Variants in DLGAP4 observed in about 807,000 individuals in gnomAD.
The protein encoded by DLGAP4 is disks large-associated protein 4.
In DLGAP4, 18 loss-of-function variants were observed where a neutral mutation model predicts 86.9. That is an observed-to-expected ratio of 0.21 (90% CI 0.14 to 0.31). The LOEUF is 0.31. DLGAP4 is among the 10% of genes least tolerant of loss of function. The pLI is 1.00. For missense variants in DLGAP4, 1,085 were observed against 1,362.6 expected, an observed-to-expected ratio of 0.80 and a Z score of 3.21; for synonymous variants, 548 against 574.3, an observed-to-expected ratio of 0.95 and a Z score of 0.65.
At chr20:36,316,538 C>G (rs2065101838) in intron 1 of DLGAP4, among the ~76,000 whole-genome samples, 1 of 152,196 alleles carries the variant, frequency 6.6e-6, no homozygotes, top group Non-Finnish European at 1.5e-5. Flanking sequence ...ATGGGTCACC[C>G]TACCCCCACA....
intron 8 of DLGAP4, chr20:36,498,925 C>T (rs1178678684): frequency 3.2e-6 from 1 of 315,104 alleles, no homozygotes; most frequent in East Asian, 7.3e-5. Context: ...GCCCTGACCC[C>T]AGTCCTTCCT....
Position 36,500,498 on chromosome 20 carries a change from G to A in DLGAP4, c.2399G>A (p.Cys800Tyr). ...GCAGAGCCGGCACAGCCAGGGGCCT[G>A]CCGCCGAGACGGCTACTGGTTCCTA... ...SPAEPAQPGA[C>Y]RRDGYWFLKL... The change falls in exon 10 of 13, where the codon TGC becomes TAC. Residue 800 changes from cysteine (C) to tyrosine (Y), a missense_variant. This residue lies in a region of DLGAP4 where 1,082 missense variants were observed against 1,344.1 expected (regional missense o/e 0.81). Coordinates refer to ENST00000339266, the MANE Select transcript of DLGAP4 (RefSeq NM_001365621.2). This position sits in a 1 kb window ranked among gnomAD's most constrained non-coding sequence, Gnocchi z 4.6. 1 of 1,592,866 alleles carries A rather than the reference G, an allele frequency of 6.3e-7. No homozygotes were observed. The highest frequency in any genetic ancestry group is 2.3e-5 in the East Asian group (1 of 44,136).
rs2030826556 is a variant in DLGAP4, at chr20:36,369,288, C to A, written c.-73+2013C>A. Among the ~76,000 whole-genome samples the A allele has an allele frequency of 2.0e-5, 3 of 152,030 alleles. No individual in the cohort carries two copies. In the South Asian group the frequency reaches 6.2e-4, roughly 32 times the overall value. On this transcript the variant is annotated intron_variant, in intron 2 of 12. Coordinates refer to ENST00000339266, the MANE Select transcript of DLGAP4 (RefSeq NM_001365621.2). ...CACACAGTCATTTATTTTTTTTAAT[C>A]AACTTATTAACATAGTAATGGCTGC...
chr20:36,348,255 T>C (rs1296809724), intron 1 of DLGAP4, among the ~76,000 whole-genome samples: 1 of 152,222 alleles, frequency 6.6e-6, no homozygotes, highest in African/African-American at 2.4e-5. Context: ...CAATTAGCAA[T>C]GCCTGCCATG....
At chr20:36,405,262 C>T (rs1277654726) in intron 2 of DLGAP4, among the ~76,000 whole-genome samples, 3 of 152,158 alleles carry the variant, frequency 2.0e-5, no homozygotes, top group African/African-American at 7.2e-5. Context: ...GGGTTCAAAT[C>T]CCATCTCTGT....
intron 7 of DLGAP4, among the ~76,000 whole-genome samples, chr20:36,480,052 G>C (rs749063876): frequency 2.0e-5 from 3 of 152,250 alleles, no homozygotes; most frequent in Middle Eastern, 3.4e-3. Flanking sequence ...TAGGGCAATA[G>C]ACAGGGCAAG....
intron 10 of DLGAP4, among the ~76,000 whole-genome samples, chr20:36,516,236 T>C (rs2037026657): frequency 6.6e-6 from 1 of 152,238 alleles, no homozygotes; most frequent in Non-Finnish European, 1.5e-5. Flanking sequence ...CAGAAGCCTA[T>C]GCTGTGCTTA....
chr20:36,454,542 C>T (rs1029066201), intron 7 of DLGAP4, among the ~76,000 whole-genome samples: 3 of 152,192 alleles, frequency 2.0e-5, no homozygotes, highest in African/African-American at 7.2e-5. Context: ...GGCACATCCT[C>T]ACCACTGTAC....
chr20:36,415,803 A>C (rs1458254168), intron 2 of DLGAP4, among the ~76,000 whole-genome samples: 1 of 152,114 alleles, frequency 6.6e-6, no homozygotes, highest in African/African-American at 2.4e-5. Flanking sequence ...CAGCAGAGGG[A>C]GTGGCACTGA....
intron 1 of DLGAP4, among the ~76,000 whole-genome samples, chr20:36,332,963 T>C (rs1241429695): frequency 2.0e-5 from 3 of 152,224 alleles, no homozygotes; most frequent in Non-Finnish European, 4.4e-5. Context: ...CTTTCTTTCC[T>C]TCCAAGAGCA....
At chr20:36,414,448 G>A (rs183657888) in intron 2 of DLGAP4, among the ~76,000 whole-genome samples, 27 of 152,288 alleles carry the variant, frequency 1.8e-4, no homozygotes, top group Middle Eastern at 3.4e-3. Flanking sequence ...GTGGTTTTTG[G>A]TATTTATTCA....
At chr20:36,487,418 G>A (rs934051609) in intron 7 of DLGAP4, among the ~76,000 whole-genome samples, 3 of 152,198 alleles carry the variant, frequency 2.0e-5, no homozygotes, top group Non-Finnish European at 4.4e-5. Context: ...GCTATGGGCA[G>A]GAAGAAGGTG....
chr20:36,376,935 G>A (rs2031178944), intron 2 of DLGAP4, among the ~76,000 whole-genome samples: 2 of 152,190 alleles, frequency 1.3e-5, no homozygotes, highest in African/African-American at 2.4e-5. Flanking sequence ...GCTTGGTGAC[G>A]GGAAGTAATT....
intron 1 of DLGAP4, among the ~76,000 whole-genome samples, chr20:36,336,441 C>T (rs1395022135): frequency 2.0e-5 from 3 of 152,210 alleles, no homozygotes; most frequent in African/African-American, 7.2e-5. Context: ...CACCCTTCTC[C>T]CTGCTCTGTT....
intron 2 of DLGAP4, among the ~76,000 whole-genome samples, chr20:36,371,421 A>G (rs1285990966): frequency 9.2e-5 from 14 of 152,236 alleles, no homozygotes; most frequent in Admixed American, 8.5e-4. Context: ...CCATTGGTGC[A>G]GTGAGGGAAA....
chr20:36,518,081 A>G (rs1470441313), intron 10 of DLGAP4, among the ~76,000 whole-genome samples: 1 of 152,120 alleles, frequency 6.6e-6, no homozygotes, highest in Admixed American at 6.6e-5. Flanking sequence ...TTAGCTGGGC[A>G]TGATGGCGGG....
chr20:36,349,304 G>C (rs1555893273), intron 1 of DLGAP4, among the ~76,000 whole-genome samples: 1 of 151,266 alleles, frequency 6.6e-6, no homozygotes, highest in Non-Finnish European at 1.5e-5. Flanking sequence ...TGTAGTCCCA[G>C]CTACTCGGGA....
At chr20:36,524,446 C>T (rs753754655) in intron 11 of DLGAP4, 105 bp downstream of exon 11, 119 of 916,756 alleles carry the variant, frequency 1.3e-4, no homozygotes, top group Non-Finnish European at 1.7e-4. Context: ...GTAACACACA[C>T]AGCGCGGCTT....
At chr20:36,394,738 C>A (rs943091360) in intron 2 of DLGAP4, among the ~76,000 whole-genome samples, 1 of 151,738 alleles carries the variant, frequency 6.6e-6, no homozygotes, top group Non-Finnish European at 1.5e-5. Flanking sequence ...CCTGCCTTGC[C>A]TCCCACGTTC....
Sources: gnomAD v4.1 joint callset for allele counts (sites outside exome capture counted in the v4.1 genomes callset) on GRCh38, gnomAD v4.1.1 for gene constraint, gnomAD v4.1.1 regional missense constraint, Gnocchi (gnomAD v3.1) non-coding constraint, MANE v1.5 for transcripts, NCBI Gene and HGNC (gene_info 2026-07-23, HGNC 2026-07-21) for gene names.